Variants in P2RY12 observed in about 807,000 individuals in gnomAD.
P2RY12 encodes the protein P2Y purinoceptor 12.
In P2RY12, 3 loss-of-function variants were observed where a neutral mutation model predicts 4.5. The ratio of observed to expected loss-of-function variants is 0.67; its 90% CI spans 0.31 to 1.74. The LOEUF (loss-of-function observed/expected upper bound fraction) is 1.74. P2RY12 is among the 40% of genes most tolerant of loss of function. The pLI is 0.09. For missense variants in P2RY12, 356 were observed against 407.8 expected (o/e 0.87, Z 1.09); for synonymous variants, 148 against 154.1 (o/e 0.96, Z 0.29).
In P2RY12 at chr3:151,362,770, G is replaced by GTA. The variant is rs1331328538; in HGVS notation, c.-180+21920_-180+21921dup. ...TCTAAGACAATTCATGTTTTTAATGGTATTAATAAAGTGTGAAAATATGAA... is the reference window on the plus strand; with the variant it reads ...TCTAAGACAATTCATGTTTTTAATGGTATATTAATAAAGTGTGAAAATATGAA... On this transcript the variant is annotated intron_variant, in intron 1 of 2. Coordinates refer to ENST00000302632, the MANE Select transcript of P2RY12 (RefSeq NM_022788.5). 4.6e-5 allele frequency among the ~76,000 whole-genome samples: 7 copies of GTA among 152,180 alleles called. No homozygotes were observed. In the East Asian group the frequency reaches 1.3e-3, roughly 29 times the overall value.
chr3:151,360,562 G>A lies in P2RY12; in HGVS notation c.-179-19802C>T. 1 of 1,612,844 alleles carries A rather than the reference G, an allele frequency of 6.2e-7. No individual in the cohort carries two copies. The highest frequency in any genetic ancestry group is 8.5e-7 in the Non-Finnish European group (1 of 1,179,132). ...TTTAGCCTACCTCTATGATCTCTAT[G>A]TGTCATGTAGCCACCTCAGAAGTAA... On this transcript the variant is annotated intron_variant, in intron 1 of 2. Coordinates refer to ENST00000302632, the MANE Select transcript of P2RY12 (RefSeq NM_022788.5).
At chr3:151,384,643 G>C in intron 1 of P2RY12, 49 bp downstream of exon 1, 1 of 192,424 alleles carries the variant, frequency 5.2e-6, no homozygotes, top group South Asian at 1.3e-4. Context: ...GTGCAAAAAA[G>C]AAACCAAATA....
At chr3:151,382,731 C>G (rs748672195) in intron 1 of P2RY12, 2 of 1,610,214 alleles carry the variant, frequency 1.2e-6, no homozygotes, top group Non-Finnish European at 1.7e-6. Flanking sequence ...AGCATTGCAA[C>G]TCCGCCTAAA....
intron 1 of P2RY12, among the ~76,000 whole-genome samples, chr3:151,350,673 C>T (rs564479620): frequency 6.6e-6 from 1 of 152,196 alleles, no homozygotes; most frequent in South Asian, 2.1e-4. Flanking sequence ...TATTTGCTCA[C>T]CTTTTCTTGC....
In P2RY12 at chr3:151,367,880, G is replaced by A. The variant is rs550075025; in HGVS notation, c.-180+16812C>T. 525 of 1,216,524 alleles carry A rather than the reference G, an allele frequency of 4.3e-4. 5 individuals are homozygous for A. The highest frequency in any genetic ancestry group is 2.0e-4 in the Middle Eastern group (1 of 5,042). The allele number at this position is 1,216,524 out of a possible 1,614,324, so 75.4% of individuals were successfully genotyped here. ...TTGAGGGTATGTATATTGGGAAGTG[G>A]TGTAGTATCAAGGTAGATATGGTAG... is the stretch of plus-strand genomic sequence containing the variant. On this transcript the variant is annotated intron_variant, in intron 1 of 2. Transcript: ENST00000302632.
At chr3:151,382,681 G>A (rs1378172388) in intron 1 of P2RY12, 3 of 1,611,058 alleles carry the variant, frequency 1.9e-6, no homozygotes, top group African/African-American at 1.3e-5. Flanking sequence ...AGAGAAGAAC[G>A]ATACCAAGAT....
intron 1 of P2RY12, among the ~76,000 whole-genome samples, chr3:151,382,966 T>C (rs1377675925): frequency 6.6e-6 from 1 of 152,202 alleles, no homozygotes; most frequent in Non-Finnish European, 1.5e-5. Context: ...ATTTTAAGCA[T>C]AGATTTGCCT....
At chr3:151,361,192 C>T (rs1284837513) in intron 1 of P2RY12, among the ~76,000 whole-genome samples, 1 of 152,102 alleles carries the variant, frequency 6.6e-6, no homozygotes, top group African/African-American at 2.4e-5. Flanking sequence ...TCTATAGCCC[C>T]ATTCACTTTT....
intron 1 of P2RY12, among the ~76,000 whole-genome samples, chr3:151,367,108 C>T (rs1180206114): frequency 1.6e-5 from 1 of 61,294 alleles, no homozygotes; most frequent in Non-Finnish European, 2.7e-5. Flanking sequence ...ATTAATTTCC[C>T]CCTCTGTCCT....
In P2RY12 at chr3:151,337,869, T is replaced by C. The variant is rs759052638; in HGVS notation, c.977A>G (p.Asn326Ser). 3.7e-6 allele frequency: 6 copies of C among 1,614,016 alleles called. No individual in the cohort carries two copies. In the African/African-American group the frequency reaches 4.0e-5, roughly 11 times the overall value. Residue 326 changes from asparagine (N) to serine (S), a missense_variant, in exon 3 of 3, where the codon AAT becomes AGT. Physicochemically the swap from Asn to Ser is conservative, Grantham distance 46 (BLOSUM62 1). Transcript: ENST00000302632. ...PNSATSLSQD[N>S]RKKEQDGGDP... ...ACCACCATCCTGTTCTTTTTTCCTA[T>C]TGTCCTGGGACAGAGATGTTGCAGA...
chr3:151,347,760 G>A (rs1234060261), intron 1 of P2RY12, among the ~76,000 whole-genome samples: 1 of 152,160 alleles, frequency 6.6e-6, no homozygotes, highest in East Asian at 1.9e-4. Flanking sequence ...ATACTTCGAA[G>A]CATTTTACAC....
At chr3:151,356,105 A>G (rs1433768063) in intron 1 of P2RY12, 6 of 1,507,924 alleles carry the variant, frequency 4.0e-6, no homozygotes, top group Non-Finnish European at 5.4e-6. Flanking sequence ...GTGCAATTTA[A>G]AGTGAGCCAA....
chr3:151,363,624 T>C (rs1388624), intron 1 of P2RY12, among the ~76,000 whole-genome samples: 116,299 of 152,176 alleles, frequency 0.76, 45,115 homozygotes, highest in African/African-American at 0.89. Flanking sequence ...TTTTTTAAAA[T>C]ATAAGTTGTC....
chr3:151,354,556 C>G (rs1262289183), intron 1 of P2RY12, among the ~76,000 whole-genome samples: 3 of 152,042 alleles, frequency 2.0e-5, no homozygotes, highest in African/African-American at 7.2e-5. Flanking sequence ...AAAGTGAGCC[C>G]AGGAGATCTC....
intron 1 of P2RY12, among the ~76,000 whole-genome samples, chr3:151,354,536 T>C (rs961327910): frequency 3.3e-5 from 5 of 152,214 alleles, no homozygotes; most frequent in African/African-American, 1.2e-4. Flanking sequence ...AGCAAGTGTT[T>C]GATTAAGTCA....
At chr3:151,366,044 A>T in intron 1 of P2RY12, 1 of 1,381,570 alleles carries the variant, frequency 7.2e-7, no homozygotes, top group Non-Finnish European at 9.6e-7. Flanking sequence ...ATATTTAGTT[A>T]GTGGGTAATC....
chr3:151,355,966 A>G (rs765877900), intron 1 of P2RY12: 3 of 1,614,072 alleles, frequency 1.9e-6, no homozygotes, highest in Non-Finnish European at 2.5e-6. Flanking sequence ...CCTTTGGCTC[A>G]CCACATTCAG....
chr3:151,367,679 A>G (rs1007996461), intron 1 of P2RY12: 2 of 1,609,184 alleles, frequency 1.2e-6, no homozygotes, highest in African/African-American at 2.7e-5. Context: ...TTCATTAGCT[A>G]CTTTCATTGC....
chr3:151,344,050 C>T (rs1207719512), intron 1 of P2RY12, among the ~76,000 whole-genome samples: 1 of 152,124 alleles, frequency 6.6e-6, no homozygotes, highest in Non-Finnish European at 1.5e-5. Flanking sequence ...TAGATACCAA[C>T]AGGTTCCAAA....
Sources: gnomAD v4.1 joint callset for allele counts (sites outside exome capture counted in the v4.1 genomes callset) on GRCh38, gnomAD v4.1.1 for gene constraint, MANE v1.5 for transcripts, NCBI Gene and HGNC (gene_info 2026-07-23, HGNC 2026-07-21) for gene names.